The following DAB2IP variants were observed in gnomAD, a reference collection of about 807,000 sequenced individuals.
The protein encoded by DAB2IP is DAB2 interacting protein.
A neutral mutation model predicts 107.2 loss-of-function variants in DAB2IP; 28 were observed. That is an observed-to-expected ratio of 0.26 (90% CI 0.19 to 0.36). The LOEUF (loss-of-function observed/expected upper bound fraction) is 0.36, where lower values mean the gene tolerates loss of function less well. Among genes scored for constraint, DAB2IP ranks in the 10% least tolerant of loss-of-function variants. The probability of loss-of-function intolerance (pLI) is 1.00; values close to 1 mark genes in which losing one functional copy is unlikely to be tolerated. For synonymous variants in DAB2IP, 755 were observed against 706.4 expected, an observed-to-expected ratio of 1.07 and a Z score of -1.09; for missense variants, 1,400 against 1,644.7, an observed-to-expected ratio of 0.85 and a Z score of 2.57.
chr9:121,713,899 A>ATT (rs1830461011), intron 3 of DAB2IP, among the ~76,000 whole-genome samples: 1 of 152,210 alleles, frequency 6.6e-6, no homozygotes, highest in African/African-American at 2.4e-5. Context: ...TGCTCTGCTG[A>ATT]CACATGGACC....
At chr9:121,752,116 A>T in intron 3 of DAB2IP, 3 of 803,320 alleles carry the variant, frequency 3.7e-6, no homozygotes, top group Non-Finnish European at 4.5e-6. Context: ...CTTGAGAGGG[A>T]TGGGGGAAGC....
chr9:121,568,875 C>CT (rs1172002786), intron 1 of DAB2IP, among the ~76,000 whole-genome samples: 1 of 152,232 alleles, frequency 6.6e-6, no homozygotes, highest in Admixed American at 6.5e-5. Flanking sequence ...AGGCTGGAAA[C>CT]TGAGGCTGCC....
chr9:121,605,655 C>T (rs1362262794), intron 1 of DAB2IP, among the ~76,000 whole-genome samples: 1 of 152,180 alleles, frequency 6.6e-6, no homozygotes, highest in African/African-American at 2.4e-5. Context: ...CGCTTGCCGT[C>T]ATGCCTGGCT....
chr9:121,761,011 G>A (rs535846319), intron 6 of DAB2IP, among the ~76,000 whole-genome samples: 70 of 152,280 alleles, frequency 4.6e-4, no homozygotes, highest in African/African-American at 1.6e-3. Flanking sequence ...AGCGGGAATC[G>A]TCTGAGACCC....
chr9:121,699,262 C>G lies in DAB2IP; in HGVS notation c.229-63C>G, dbSNP rs1829620601. The stretch of plus-strand genomic sequence containing the variant: ...GCAAGGGTGCGGGTCCCGCGCGGGT[C>G]CCGGCCCGCCGCCGCCGCGCTAACC... On this transcript the variant is annotated intron_variant, in intron 2 of 15. Coordinates refer to ENST00000408936, the Ensembl canonical transcript of DAB2IP. The surrounding 1 kb of genome is among the most constrained non-coding windows in gnomAD (Gnocchi z 6.2). The G allele has an allele frequency of 2.4e-6, 3 of 1,250,320 alleles. No homozygotes were observed. Among genetic ancestry groups the G allele is most frequent in the Non-Finnish European group, 2.0e-6 (2 of 979,240 alleles). 77.5% of individuals were successfully genotyped at this position (1,250,320 alleles called of 1,614,324 possible). A position where few individuals can be genotyped will look rare whatever the true frequency, so the allele number is the denominator to read the frequency against.
chr9:121,752,417 C>T (rs1833185421), intron 3 of DAB2IP, among the ~76,000 whole-genome samples: 1 of 148,818 alleles, frequency 6.7e-6, no homozygotes, highest in Admixed American at 6.6e-5. Flanking sequence ...ACCTTGGAGC[C>T]AGCCAGACCC....
chr9:121,733,042 C>T (rs1831640028), intron 3 of DAB2IP, among the ~76,000 whole-genome samples: 1 of 152,216 alleles, frequency 6.6e-6, no homozygotes, highest in Non-Finnish European at 1.5e-5. Context: ...TTTGTTTTCT[C>T]ACCTTCAGCT....
intron 1 of DAB2IP, among the ~76,000 whole-genome samples, chr9:121,570,325 G>T (rs546930850): frequency 6.6e-6 from 1 of 151,950 alleles, no homozygotes; most frequent in East Asian, 1.9e-4. Context: ...TGTTGCCCAG[G>T]CTGGTCTCGA....
intron 1 of DAB2IP, among the ~76,000 whole-genome samples, chr9:121,621,984 C>CTTT (rs1202929145): frequency 2.4e-3 from 238 of 99,684 alleles, no homozygotes; most frequent in East Asian, 5.3e-3. Context: ...TTTTTTCTTT[C>CTTT]TTTTTTTTTT....
At chr9:121,737,410 A>G (rs1589610824) in intron 3 of DAB2IP, 1 of 985,364 alleles carries the variant, frequency 1.0e-6, no homozygotes, top group Non-Finnish European at 1.2e-6. Flanking sequence ...AGCTTGGAAG[A>G]CACAGATTCA....
intron 3 of DAB2IP, among the ~76,000 whole-genome samples, chr9:121,719,435 AC>A (rs1415695687): frequency 1.3e-5 from 2 of 152,098 alleles, no homozygotes; most frequent in Non-Finnish European, 2.9e-5. Flanking sequence ...GGCAGAGGGA[AC>A]CCCATGAGCC....
At chr9:121,653,036 G>T (rs1418492817) in intron 1 of DAB2IP, among the ~76,000 whole-genome samples, 1 of 152,130 alleles carries the variant, frequency 6.6e-6, no homozygotes, top group Non-Finnish European at 1.5e-5. Flanking sequence ...ACAGGTGTGT[G>T]CTGGTAGTTC....
rs1463492796 is a variant in DAB2IP, at chr9:121,776,389, C to T, written c.3312C>T (p.Ser1104=). The T allele has an allele frequency of 6.5e-7, 1 of 1,536,072 alleles. No individual in the cohort carries two copies. Among genetic ancestry groups the T allele is most frequent in the Non-Finnish European group, 8.8e-7 (1 of 1,139,708 alleles). The change falls in exon 14 of 16, where the codon AGC becomes AGT. Residue 1104 remains serine, a splice_region_variant and synonymous_variant. Transcript: ENST00000408936. This position sits in a 1 kb window ranked among gnomAD's most constrained non-coding sequence, Gnocchi z 5.4. Reference sequence around the variant, plus strand: ...ACATCCAGATGAAGGGCATCATCAGCAGGTGGGGCCCACACCTGCCTGGCC... The same window carrying T: ...ACATCCAGATGAAGGGCATCATCAGTAGGTGGGGCCCACACCTGCCTGGCC...
chr9:121,567,859 C>A (rs1002467833), intron 1 of DAB2IP, among the ~76,000 whole-genome samples: 4 of 152,132 alleles, frequency 2.6e-5, no homozygotes, highest in African/African-American at 7.2e-5. Context: ...GGGGCTCCAG[C>A]GACGCAGTAA....
chr9:121,630,880 T>A (rs1184094639), intron 1 of DAB2IP, among the ~76,000 whole-genome samples: 2 of 152,180 alleles, frequency 1.3e-5, no homozygotes, highest in Non-Finnish European at 2.9e-5. Flanking sequence ...AGTGCTGGGA[T>A]TACAGGCATG....
At chr9:121,654,075 G>A (rs1832875565) in intron 1 of DAB2IP, among the ~76,000 whole-genome samples, 2 of 152,210 alleles carry the variant, frequency 1.3e-5, no homozygotes, top group Admixed American at 1.3e-4. Context: ...AAGCCTCAGT[G>A]ACCTTGTGTG....
chr9:121,612,381 G>A (rs1390952477), intron 1 of DAB2IP, among the ~76,000 whole-genome samples: 1 of 152,266 alleles, frequency 6.6e-6, no homozygotes, highest in South Asian at 2.1e-4. Context: ...GATACACAGG[G>A]TCTCAAATTG....
chr9:121,585,502 C>G (rs1830292796), intron 1 of DAB2IP, among the ~76,000 whole-genome samples: 1 of 152,180 alleles, frequency 6.6e-6, no homozygotes, highest in Non-Finnish European at 1.5e-5. Context: ...TATTTGGACT[C>G]TATTAATAAC....
At chr9:121,775,581 C>T (rs990869788) in intron 13 of DAB2IP, among the ~76,000 whole-genome samples, 1 of 152,338 alleles carries the variant, frequency 6.6e-6, no homozygotes, top group Admixed American at 6.5e-5. Context: ...CACGCCGCTT[C>T]CCAGCCTCGT....
Sources: allele counts gnomAD v4.1 joint callset (sites outside exome capture counted in the v4.1 genomes callset), GRCh38; gene constraint gnomAD v4.1.1; non-coding constraint Gnocchi (gnomAD v3.1); transcripts MANE v1.5; gene names NCBI Gene and HGNC (gene_info 2026-07-23, HGNC 2026-07-21).